DLGAP2: variants seen among roughly 807,000 people sequenced by gnomAD.
The protein encoded by DLGAP2 is DLG associated protein 2.
A neutral mutation model predicts 100.3 loss-of-function variants in DLGAP2; 26 were observed. The ratio of observed to expected loss-of-function variants is 0.26; its 90% CI spans 0.19 to 0.36. DLGAP2 has a LOEUF of 0.36. Among genes scored for constraint, DLGAP2 ranks in the 10% least tolerant of loss-of-function variants. The probability of loss-of-function intolerance (pLI) is 1.00; values close to 1 mark genes in which losing one functional copy is unlikely to be tolerated. For synonymous variants in DLGAP2, 886 were observed against 630.1 expected, an observed-to-expected ratio of 1.41 and a Z score of -6.08; for missense variants, 1,858 against 1,453.2, an observed-to-expected ratio of 1.28 and a Z score of -4.53.
chr8:1,329,210 A>T (rs997716084), intron 3 of DLGAP2, among the ~76,000 whole-genome samples: 1 of 152,232 alleles, frequency 6.6e-6, no homozygotes, highest in Non-Finnish European at 1.5e-5. Context: ...ATTAAAAACA[A>T]TGTCTTTTAG....
At chr8:800,460 G>A (rs1022374397) in intron 1 of DLGAP2, among the ~76,000 whole-genome samples, 2 of 152,186 alleles carry the variant, frequency 1.3e-5, no homozygotes, top group Non-Finnish European at 2.9e-5. Flanking sequence ...TGGCTCTCAT[G>A]GCGGAGCAGC....
intron 3 of DLGAP2, among the ~76,000 whole-genome samples, chr8:1,386,286 G>T (rs1031451356): frequency 5.3e-5 from 8 of 152,114 alleles, no homozygotes; most frequent in African/African-American, 1.9e-4. Flanking sequence ...CAGACCCAAA[G>T]TCGGTGAGAT....
chr8:1,265,013 C>A (rs2116917590), intron 3 of DLGAP2, among the ~76,000 whole-genome samples: 1 of 152,292 alleles, frequency 6.6e-6, no homozygotes, highest in East Asian at 1.9e-4. Context: ...ATTGTGAGGG[C>A]TCCCCAGCCA....
chr8:1,498,428 C>G (rs1441485302), intron 3 of DLGAP2, among the ~76,000 whole-genome samples: 1 of 151,620 alleles, frequency 6.6e-6, no homozygotes, highest in Non-Finnish European at 1.5e-5. Context: ...TTATTTTGTT[C>G]TTTATCTGTC....
chr8:1,222,793 C>A (rs371250689), intron 2 of DLGAP2, among the ~76,000 whole-genome samples: 18 of 152,070 alleles, frequency 1.2e-4, no homozygotes, highest in African/African-American at 4.1e-4. Context: ...GCCTTGGCAG[C>A]TGTTGCTGTG....
At chr8:1,200,753 T>TAATA (rs1194106903) in intron 2 of DLGAP2, among the ~76,000 whole-genome samples, 1 of 151,540 alleles carries the variant, frequency 6.6e-6, no homozygotes, top group Non-Finnish European at 1.5e-5. Flanking sequence ...TACAGAGCTG[T>TAATA]AATAACACGG....
intron 2 of DLGAP2, among the ~76,000 whole-genome samples, chr8:1,049,978 G>A (rs556419608): frequency 7.2e-5 from 11 of 152,130 alleles, no homozygotes; most frequent in Non-Finnish European, 8.8e-5. Context: ...ATGTGCCTAC[G>A]TGTATGCACA....
chr8:1,075,247 G>T (rs544806272), intron 2 of DLGAP2, among the ~76,000 whole-genome samples: 3 of 152,302 alleles, frequency 2.0e-5, no homozygotes, highest in Admixed American at 1.3e-4. Flanking sequence ...GCCTTTTCGA[G>T]TTAGGACCCT....
intron 4 of DLGAP2, among the ~76,000 whole-genome samples, chr8:1,517,921 T>C (rs1800450692): frequency 6.6e-6 from 1 of 152,218 alleles, no homozygotes; most frequent in Admixed American, 6.5e-5. Flanking sequence ...CCACGGTATG[T>C]TGTTTGGACC....
chr8:864,491 C>T (rs556547942), intron 1 of DLGAP2, among the ~76,000 whole-genome samples: 3 of 152,120 alleles, frequency 2.0e-5, no homozygotes, highest in African/African-American at 7.2e-5. Flanking sequence ...ATTTTAGAAA[C>T]CTCACTATTC....
chr8:1,204,028 A>G (rs546214313), intron 2 of DLGAP2, among the ~76,000 whole-genome samples: 40 of 152,346 alleles, frequency 2.6e-4, no homozygotes, highest in African/African-American at 6.0e-4. Context: ...TGAAACTTCA[A>G]TGTGCTTACG....
At chr8:1,664,554 G>T (rs144675095) in intron 8 of DLGAP2, among the ~76,000 whole-genome samples, 46 of 152,294 alleles carry the variant, frequency 3.0e-4, no homozygotes, top group African/African-American at 9.4e-4. Flanking sequence ...GTATCCACCA[G>T]TGAAGCTTGC....
intron 2 of DLGAP2, among the ~76,000 whole-genome samples, chr8:996,341 C>T (rs1326996934): frequency 1.3e-5 from 2 of 152,124 alleles, no homozygotes; most frequent in Non-Finnish European, 2.9e-5. Flanking sequence ...CTCCGAGGGC[C>T]CCAGTGTCAC....
intron 2 of DLGAP2, among the ~76,000 whole-genome samples, chr8:1,166,238 G>A (rs777495648): frequency 1.3e-5 from 2 of 152,148 alleles, no homozygotes; most frequent in East Asian, 1.9e-4. Flanking sequence ...CTACCCTCCT[G>A]CTGCCTTCCT....
At chr8:762,837 C>G (rs1042361314) in intron 1 of DLGAP2, among the ~76,000 whole-genome samples, 1 of 152,006 alleles carries the variant, frequency 6.6e-6, no homozygotes, top group Non-Finnish European at 1.5e-5. Flanking sequence ...ACCACTACAC[C>G]AGGCTAGCTT....
chr8:1,454,454 G>C (rs1563159262), intron 3 of DLGAP2, among the ~76,000 whole-genome samples: 1 of 152,036 alleles, frequency 6.6e-6, no homozygotes, highest in Non-Finnish European at 1.5e-5. Context: ...GGGGAGGGCA[G>C]GTCTTTCTGG....
chr8:989,292 CCTCCTCTCCATCAGTGGA>C (rs1467825268), intron 2 of DLGAP2, among the ~76,000 whole-genome samples: 1 of 152,170 alleles, frequency 6.6e-6, no homozygotes, highest in Admixed American at 6.5e-5. Context: ...CACATCCTAA[CCTCCTCTCCATCAGTGGA>C]CGGCTGCTCT....
intron 2 of DLGAP2, among the ~76,000 whole-genome samples, chr8:1,032,296 G>C (rs887842762): frequency 6.6e-6 from 1 of 152,192 alleles, no homozygotes; most frequent in African/African-American, 2.4e-5. Flanking sequence ...CGGGCAGCCT[G>C]GGTCACAGCT....
At chr8:1,687,049 C>T (rs1799134322) in intron 12 of DLGAP2, among the ~76,000 whole-genome samples, 1 of 152,116 alleles carries the variant, frequency 6.6e-6, no homozygotes, top group Non-Finnish European at 1.5e-5. Flanking sequence ...ACATGAAAAT[C>T]ATGAGGCTCG....
Sources: gnomAD v4.1 joint callset for allele counts (sites outside exome capture counted in the v4.1 genomes callset) on GRCh38, gnomAD v4.1.1 for gene constraint, MANE v1.5 for transcripts, NCBI Gene and HGNC (gene_info 2026-07-23, HGNC 2026-07-21) for gene names.